AMMECR1: variants seen among roughly 807,000 people sequenced by gnomAD.
AMMECR1 encodes the protein nuclear protein AMMECR1.
AMMECR1 carries 3 observed loss-of-function variants against 22.5 expected under a neutral mutation model. The ratio of observed to expected loss-of-function variants is 0.13; its 90% CI spans 0.06 to 0.35. The LOEUF (loss-of-function observed/expected upper bound fraction) is 0.35, where lower values mean the gene tolerates loss of function less well. Among genes scored for constraint, AMMECR1 ranks in the 10% least tolerant of loss-of-function variants. The pLI, the probability that AMMECR1 is intolerant of heterozygous loss-of-function variation, is 1.00. For synonymous variants in AMMECR1, 130 were observed against 116.7 expected, an observed-to-expected ratio of 1.11 and a Z score of -0.74; for missense variants, 235 against 278.7, an observed-to-expected ratio of 0.84 and a Z score of 1.12.
intron 1 of AMMECR1, among the ~76,000 whole-genome samples, chrX:110,282,688 G>A (rs1331372100): frequency 3.6e-5 from 4 of 111,406 alleles, no homozygotes; most frequent in East Asian, 2.8e-4. Context: ...GTTCTTAAAC[G>A]GATTCCATAT....
chrX:110,336,094 T>C (rs1321697817), intron 2 of AMMECR1, among the ~76,000 whole-genome samples: 1 of 111,653 alleles, frequency 9.0e-6, no homozygotes, highest in Admixed American at 9.5e-5. Context: ...CCCAGTTTCT[T>C]CTGAAAAGCT....
intron 2 of AMMECR1, among the ~76,000 whole-genome samples, chrX:110,421,059 C>T (rs933019858): frequency 3.6e-5 from 4 of 112,049 alleles, no homozygotes; most frequent in African/African-American, 9.8e-5. Flanking sequence ...TCATGATATG[C>T]TGGTCATTTA....
chrX:110,246,165 C>A (rs1036452593), intron 2 of AMMECR1, among the ~76,000 whole-genome samples: 1 of 111,950 alleles, frequency 8.9e-6, no homozygotes, highest in Non-Finnish European at 1.9e-5. Context: ...TGTATTTCAA[C>A]TGTTTCATTT....
At chrX:110,409,963 T>C (rs753612729) in intron 2 of AMMECR1, among the ~76,000 whole-genome samples, 2 of 112,146 alleles carry the variant, frequency 1.8e-5, no homozygotes, top group African/African-American at 6.5e-5. Flanking sequence ...GAAATACAGA[T>C]GCAGTGTGGC....
intron 2 of AMMECR1, among the ~76,000 whole-genome samples, chrX:110,326,112 C>T (rs917906400): frequency 1.8e-5 from 2 of 111,132 alleles, no homozygotes; most frequent in Non-Finnish European, 3.8e-5. Context: ...GCCTCAGCCT[C>T]CTGAGTAGCT....
intron 2 of AMMECR1, among the ~76,000 whole-genome samples, chrX:110,230,220 C>A (rs1192389073): frequency 8.9e-6 from 1 of 112,596 alleles, no homozygotes; most frequent in Non-Finnish European, 1.9e-5. Context: ...TCCCTGACCC[C>A]CGTGTAGCCT....
chrX:110,370,686 G>A (rs2068332296), intron 2 of AMMECR1, among the ~76,000 whole-genome samples: 2 of 112,017 alleles, frequency 1.8e-5, no homozygotes, highest in East Asian at 2.8e-4. Context: ...AAATGCCATC[G>A]GGGCAAGCTG....
intron 3 of AMMECR1, among the ~76,000 whole-genome samples, chrX:110,212,144 G>T (rs184379289): frequency 7.9e-4 from 88 of 111,868 alleles, no homozygotes; most frequent in Non-Finnish European, 1.2e-3. Context: ...TAAAATTAGA[G>T]ACATGTTATC....
At chrX:110,416,795 C>T (rs761080718) in intron 2 of AMMECR1, among the ~76,000 whole-genome samples, 14 of 112,265 alleles carry the variant, frequency 1.2e-4, no homozygotes, top group African/African-American at 4.2e-4. Context: ...GCAAGACTAG[C>T]TTAGAGGCAA....
chrX:110,260,465 A>T (rs747605581), intron 2 of AMMECR1, among the ~76,000 whole-genome samples: 16 of 111,237 alleles, frequency 1.4e-4, no homozygotes, highest in Admixed American at 1.1e-3. Context: ...TTTCATTTAA[A>T]AAATACCCGG....
chrX:110,201,408 C>G (rs1000739442), intron 4 of AMMECR1, among the ~76,000 whole-genome samples: 2 of 111,761 alleles, frequency 1.8e-5, no homozygotes, highest in African/African-American at 6.5e-5. Flanking sequence ...AGTGAAAAGC[C>G]TATATGCCAT....
At chrX:110,318,209 G>T, upstream of AMMECR1, 1 of 400,061 alleles carries the variant, frequency 2.5e-6, no homozygotes, top group Non-Finnish European at 3.2e-6. Flanking sequence ...TCCCGGCCCC[G>T]TCTGCCTAGC....
chrX:110,373,273 G>C (rs753574258), intron 2 of AMMECR1, among the ~76,000 whole-genome samples: 1 of 111,713 alleles, frequency 9.0e-6, no homozygotes, highest in South Asian at 3.8e-4. Flanking sequence ...CTTAGGATGA[G>C]GTGGAAATAA....
At chrX:110,208,990 T>G (rs1045106831) in intron 3 of AMMECR1, among the ~76,000 whole-genome samples, 1 of 106,334 alleles carries the variant, frequency 9.4e-6, no homozygotes, top group Non-Finnish European at 1.9e-5. Context: ...TTCCATTTCT[T>G]AAAAAAGGGA....
rs948205157 is a variant in AMMECR1 at position 110,417,556 on chromosome X, C to A, written c.-148+9102G>T. Reference sequence around the variant, plus strand: ...TTATTATGTCTTTGCATCTTCCCAGCAGGTTTTGTGATGGAGGTGGGTAAA... The same window carrying A: ...TTATTATGTCTTTGCATCTTCCCAGAAGGTTTTGTGATGGAGGTGGGTAAA... On this transcript the variant is annotated intron_variant, in intron 2 of 7. Coordinates refer to the AMMECR1 transcript ENST00000372057. Among the ~76,000 whole-genome samples, 4 of 111,899 alleles carry A rather than the reference C, an allele frequency of 3.6e-5. No individual in the cohort carries two copies. The Admixed American group carries it at 3.8e-4, about 11-fold the overall frequency.
chrX:110,437,127 G>A (rs995410758), intron 1 of AMMECR1, among the ~76,000 whole-genome samples: 3 of 111,692 alleles, frequency 2.7e-5, no homozygotes, highest in Admixed American at 9.5e-5. Flanking sequence ...CAGAACTAGC[G>A]AGAGGAAAGG....
intron 1 of AMMECR1, among the ~76,000 whole-genome samples, chrX:110,286,280 C>T (rs1287922467): frequency 9.0e-6 from 1 of 111,523 alleles, no homozygotes; most frequent in Non-Finnish European, 1.9e-5. Context: ...CCCAGCATGA[C>T]TAAAGAACTG....
chrX:110,208,312 C>T (rs1052559498), intron 3 of AMMECR1, among the ~76,000 whole-genome samples: 12 of 112,572 alleles, frequency 1.1e-4, no homozygotes, highest in African/African-American at 3.9e-4. Flanking sequence ...TACTATAAAA[C>T]CTCTGCTTCA....
At chrX:110,330,791 C>T (rs1602903366) in intron 2 of AMMECR1, among the ~76,000 whole-genome samples, 1 of 111,545 alleles carries the variant, frequency 9.0e-6, no homozygotes, top group Non-Finnish European at 1.9e-5. Context: ...TCTCACTCTC[C>T]ATAGACATTC....
Sources: allele counts gnomAD v4.1 joint callset (sites outside exome capture counted in the v4.1 genomes callset), GRCh38; gene constraint gnomAD v4.1.1; transcripts MANE v1.5; gene names NCBI Gene and HGNC (gene_info 2026-07-23, HGNC 2026-07-21).